The following KY variants were observed in gnomAD, a reference collection of about 807,000 sequenced individuals.
KY encodes the protein kyphoscoliosis peptidase.
KY carries 43 observed loss-of-function variants against 76.1 expected under a neutral mutation model. The ratio of observed to expected loss-of-function variants is 0.57; its 90% confidence interval spans 0.44 to 0.73. KY has a LOEUF of 0.73. KY is among the 30% of genes least tolerant of loss of function. The probability of loss-of-function intolerance (pLI) is 0.00; values close to 1 mark genes in which losing one functional copy is unlikely to be tolerated. For synonymous variants in KY, 277 were observed against 326.2 expected, an observed-to-expected ratio of 0.85 and a Z score of 1.63; for missense variants, 722 against 828.9, an observed-to-expected ratio of 0.87 and a Z score of 1.58.
chr3:134,643,521 A>G (rs1966038707), intron 2 of KY, 143 bp from the exon 3 acceptor site: 2 of 650,692 alleles, frequency 3.1e-6, no homozygotes, highest in Non-Finnish European at 5.5e-6. Context: ...ACACCCTCAC[A>G]GTGTGCACAT....
chr3:134,620,703 T>C, intron 7 of KY, 46 bp downstream of exon 7: 1 of 1,382,032 alleles, frequency 7.2e-7, no homozygotes, highest in Non-Finnish European at 1.0e-6. Flanking sequence ...CTGCAGGGAA[T>C]GGAAGCAAGG....
chr3:134,607,388 T>G, intron 10 of KY: 1 of 985,550 alleles, frequency 1.0e-6, no homozygotes, highest in Non-Finnish European at 1.2e-6. Flanking sequence ...CCCTGCAATG[T>G]GGGTTGGAGC....
chr3:134,601,293 A>G lies in KY; in HGVS notation c.*2286T>C, dbSNP rs1000288432. On this transcript the variant is annotated 3_prime_UTR_variant, in exon 11 of 11. Coordinates refer to ENST00000423778, the MANE Select transcript of KY (RefSeq NM_178554.6). ...CTTGCTGATGCCCTGCGGTGCTTTG[A>G]GGGGCGGGGCCTCCCTCTCTGGTGC... 2.0e-5 allele frequency among the ~76,000 whole-genome samples: 3 copies of G among 151,956 alleles called. No individual in the cohort carries two copies. The highest frequency in any genetic ancestry group is 1.5e-5 in the Non-Finnish European group (1 of 67,998).
chr3:134,619,409 G>T, intron 7 of KY, 144 bp from the exon 8 acceptor site: 1 of 662,556 alleles, frequency 1.5e-6, no homozygotes, highest in South Asian at 1.7e-5. Flanking sequence ...GCACAAATGG[G>T]ATCTGGGAAC....
At chr3:134,624,647 A>G (rs549639200) in intron 6 of KY, among the ~76,000 whole-genome samples, 6 of 152,360 alleles carry the variant, frequency 3.9e-5, no homozygotes, top group Admixed American at 2.0e-4. Flanking sequence ...AGCTGTGATT[A>G]TAATGGTCCT....
intron 10 of KY, 108 bp from the exon 11 acceptor site, chr3:134,604,582 G>T: frequency 1.1e-6 from 1 of 933,862 alleles, no homozygotes. Context: ...GACTTATAGA[G>T]CTTGTCTATT....
rs1050018148 is a variant in KY at position 134,610,279 on chromosome 3, A to G, written c.815T>C (p.Val272Ala). The G allele has an allele frequency of 6.2e-7, 1 of 1,613,878 alleles. No homozygotes were observed. Among genetic ancestry groups the G allele is most frequent in the African/African-American group, 1.3e-5 (1 of 75,026 alleles). ...SGEFDHAWNA[V>A]YLEGRWHLVD... ...CAGGTGCCATCTTCCCTCCAGGTACACAGCATTCCAGGCATGGTCAAACTC... is the reference window on the plus strand; with the variant it reads ...CAGGTGCCATCTTCCCTCCAGGTACGCAGCATTCCAGGCATGGTCAAACTC... Residue 272 changes from valine to alanine, a missense_variant, in exon 9 of 11, where the codon GTG (valine) becomes GCG (alanine). Physicochemically the swap from Val to Ala is moderately conservative, Grantham distance 64. Around this residue, in one of 2 missense-constraint regions of KY, gnomAD observed 552 missense variants for 680.9 expected, o/e 0.81. Transcript: ENST00000423778.
chr3:134,640,291 G>A (rs1965581762), intron 3 of KY, among the ~76,000 whole-genome samples: 1 of 152,140 alleles, frequency 6.6e-6, no homozygotes, highest in South Asian at 2.1e-4. Context: ...GAGACAGTAT[G>A]GGGGAGTAGT....
intron 3 of KY, 52 bp downstream of exon 3, chr3:134,643,264 G>T: frequency 1.3e-6 from 2 of 1,574,896 alleles, no homozygotes; most frequent in Non-Finnish European, 1.7e-6. Flanking sequence ...CAGAGCATCA[G>T]GTCTGGGCAC....
At chr3:134,640,934 A>T (rs1014113267) in intron 3 of KY, among the ~76,000 whole-genome samples, 1 of 152,134 alleles carries the variant, frequency 6.6e-6, no homozygotes, top group African/African-American at 2.4e-5. Context: ...AATGGTTTCC[A>T]ATCACACTCA....
Position 134,600,708 on chromosome 3 carries a change from A to T in KY, c.*2871T>A, listed in dbSNP as rs1958926297. On this transcript the variant is annotated 3_prime_UTR_variant, in exon 11 of 11. Transcript: ENST00000423778. ...CCAATCCTTCAATGGTATAGTAATG[A>T]GTGTAGTCACAGCTGTTCCATCCAG... 1 of 152,190 alleles carries T rather than the reference A, an allele frequency of 6.6e-6. No homozygotes were observed. Among genetic ancestry groups the T allele is most frequent in the South Asian group, 2.1e-4 (1 of 4,834 alleles). The allele number at this position is 152,190 out of a possible 1,614,324, so 9.4% of individuals were successfully genotyped here. A position where few individuals can be genotyped will look rare whatever the true frequency, so the allele number is the denominator to read the frequency against.
rs1357804929 is a variant in KY, at chr3:134,600,193, C to T, written c.*3386G>A. Among the ~76,000 whole-genome samples the T allele has an allele frequency of 6.6e-6, 1 of 152,172 alleles. No homozygotes were observed. Among genetic ancestry groups the T allele is most frequent in the Non-Finnish European group, 1.5e-5 (1 of 68,042 alleles). On this transcript the variant is annotated 3_prime_UTR_variant, in exon 11 of 11. Coordinates refer to ENST00000423778, the MANE Select transcript of KY (RefSeq NM_178554.6). ...TAACCCTCTGTTTGCTGCAGGCAGACCAGGATATCTCAGGAATTAATTGGT... is the reference window on the plus strand; with the variant it reads ...TAACCCTCTGTTTGCTGCAGGCAGATCAGGATATCTCAGGAATTAATTGGT...
chr3:134,618,300 C>T (rs1352154724), intron 8 of KY, among the ~76,000 whole-genome samples: 2 of 152,130 alleles, frequency 1.3e-5, no homozygotes, highest in African/African-American at 2.4e-5. Context: ...TGCCTGTGGA[C>T]TAAGTGTTAC....
intron 10 of KY, chr3:134,608,216 TGTTGG>T: frequency 8.4e-7 from 1 of 1,185,340 alleles, no homozygotes; most frequent in South Asian, 1.6e-5. Flanking sequence ...CAGTAGCTTC[TGTTGG>T]GGACCTGAGC....
chr3:134,643,331 A>G lies in KY; in HGVS notation c.247T>C (p.Ser83Pro). 1 of 1,613,866 alleles carries G rather than the reference A, an allele frequency of 6.2e-7. No individual in the cohort carries two copies. Among genetic ancestry groups the G allele is most frequent in the Non-Finnish European group, 8.5e-7 (1 of 1,179,860 alleles). Residue 83 changes from serine to proline, a missense_variant, in exon 3 of 11, where the codon TCC becomes CCC. By Grantham distance (74) the Ser-to-Pro change is moderately conservative. Coordinates refer to ENST00000423778, the MANE Select transcript of KY (RefSeq NM_178554.6). ...AATCACTTACCTTGGCTGTTGTAGG[A>G]AGTGATGACCTGGGGCTGCTGAGGG... ...QHPQQPQVIT[S>P]YNSQGTQLTV...
At chr3:134,632,113 A>C (rs1964317622) in intron 3 of KY, among the ~76,000 whole-genome samples, 1 of 152,124 alleles carries the variant, frequency 6.6e-6, no homozygotes, top group East Asian at 1.9e-4. Context: ...TTTAAAATAC[A>C]TGAAACAAGA....
chr3:134,620,938 T>G, intron 6 of KY, 81 bp from the exon 7 acceptor site: 1 of 816,672 alleles, frequency 1.2e-6, no homozygotes, highest in Admixed American at 2.1e-5. Flanking sequence ...CTACAGCCAG[T>G]GCTGCTCTTC....
intron 10 of KY, chr3:134,606,926 T>G: frequency 1.0e-6 from 1 of 985,142 alleles, no homozygotes; most frequent in Non-Finnish European, 1.2e-6. Context: ...CATCTCAGTT[T>G]CCCTATTTTG....
In KY at chr3:134,643,399, G is replaced by A. The variant is rs967894160; in HGVS notation, c.200-21C>T. ...GTTTTCTATTTAAGGAAGACAGAGA[G>A]GCCTGCAGTGACCACTGGGGAATTT... On this transcript the variant is annotated intron_variant, in intron 2 of 10. Coordinates refer to ENST00000423778, the MANE Select transcript of KY (RefSeq NM_178554.6). 4 of 1,608,306 alleles carry A rather than the reference G, an allele frequency of 2.5e-6. No homozygotes were observed. In the African/African-American group the frequency reaches 4.0e-5, roughly 16 times the overall value.
Sources: allele counts gnomAD v4.1 joint callset (sites outside exome capture counted in the v4.1 genomes callset), GRCh38; gene constraint gnomAD v4.1.1; regional missense constraint gnomAD v4.1.1; transcripts MANE v1.5; gene names NCBI Gene and HGNC (gene_info 2026-07-23, HGNC 2026-07-21).